DOCK2: variants seen among roughly 807,000 people sequenced by gnomAD.
DOCK2 encodes dedicator of cytokinesis 2, also known as dedicator of cytokinesis protein 2.
DOCK2 carries 87 observed loss-of-function variants against 248.9 expected under a neutral mutation model. That is an observed-to-expected ratio of 0.35 (90% CI 0.29 to 0.42). The LOEUF (loss-of-function observed/expected upper bound fraction) is 0.42, where lower values mean the gene tolerates loss of function less well. Ranked by LOEUF, DOCK2 falls within the 10% of genes least tolerant of loss-of-function variation. The pLI is 1.00. For synonymous variants in DOCK2, 805 were observed against 821.6 expected (o/e 0.98, Z 0.35); for missense variants, 1,747 against 2,300.2 (o/e 0.76, Z 4.92).
At chr5:169,979,908 C>G (rs1290213416) in intron 27 of DOCK2, among the ~76,000 whole-genome samples, 1 of 152,144 alleles carries the variant, frequency 6.6e-6, no homozygotes, top group Non-Finnish European at 1.5e-5. Flanking sequence ...GAATCCCCCT[C>G]CCTTTTTATC....
chr5:170,063,419 C>T (rs11134606), intron 44 of DOCK2, among the ~76,000 whole-genome samples: 37,076 of 152,034 alleles, frequency 0.24, 5,118 homozygotes, highest in African/African-American at 0.36. Flanking sequence ...GGGGTTACAT[C>T]CCCTTGGAGC....
chr5:169,945,436 G>T (rs1211281117), intron 27 of DOCK2, among the ~76,000 whole-genome samples: 2 of 152,244 alleles, frequency 1.3e-5, no homozygotes, highest in South Asian at 2.1e-4. Flanking sequence ...CAACAGAAAT[G>T]CTAACAAGTG....
intron 22 of DOCK2, among the ~76,000 whole-genome samples, chr5:169,747,179 G>T (rs1763659624): frequency 6.6e-6 from 1 of 152,184 alleles, no homozygotes; most frequent in African/African-American, 2.4e-5. Context: ...GAAGGTGTAT[G>T]CCCTGTTAGT....
At chr5:169,820,817 CT>C (rs1368326037) in intron 26 of DOCK2, among the ~76,000 whole-genome samples, 1 of 152,180 alleles carries the variant, frequency 6.6e-6, no homozygotes, top group East Asian at 1.9e-4. Context: ...GATCAAACTA[CT>C]CTGAGCTAAA....
intron 23 of DOCK2, among the ~76,000 whole-genome samples, chr5:169,750,855 T>C (rs2113701303): frequency 6.6e-6 from 1 of 152,360 alleles, no homozygotes; most frequent in Admixed American, 6.5e-5. Context: ...GAGAACTTAA[T>C]GATGAGGGCA....
chr5:169,842,502 C>T (rs746867517), intron 27 of DOCK2, among the ~76,000 whole-genome samples: 14 of 152,122 alleles, frequency 9.2e-5, no homozygotes, highest in African/African-American at 2.7e-4. Flanking sequence ...GGACTACCAG[C>T]GTGTGCCACC....
In DOCK2 at chr5:170,037,479, AATTTTT is replaced by A. The variant is rs1756359977; in HGVS notation, c.3665+925_3665+930del. 5.0e-5 allele frequency among the ~76,000 whole-genome samples: 7 copies of A among 139,276 alleles called. No homozygotes were observed. The South Asian group carries it at 1.4e-3, about 29-fold the overall frequency. The allele number at this position is 139,276 out of a possible 152,430, so 91.4% of individuals were successfully genotyped here. A position where few individuals can be genotyped will look rare whatever the true frequency, so the allele number is the denominator to read the frequency against. On this transcript the variant is annotated intron_variant, in intron 36 of 51. Transcript: ENST00000520908. ...TTCTACAATAAAAAGCACAAAAACA[AATTTTT>A]TTTTTTTTTTTTTTTTTAAAGACAG...
chr5:170,029,412 A>G (rs962811158), intron 34 of DOCK2, among the ~76,000 whole-genome samples: 1 of 152,264 alleles, frequency 6.6e-6, no homozygotes, highest in East Asian at 1.9e-4. Flanking sequence ...GGAGAAAGAC[A>G]TTGGGTTTTG....
intron 27 of DOCK2, among the ~76,000 whole-genome samples, chr5:169,843,522 AAAATAAAC>A (rs1274777821): frequency 6.6e-6 from 1 of 152,244 alleles, no homozygotes; most frequent in Non-Finnish European, 1.5e-5. Flanking sequence ...ACTCCGTCTC[AAAATAAAC>A]AAATAAACAA....
chr5:169,865,928 CTGCAAAGGCATGTTGCCGTTGCCA>C (rs1255162560), intron 27 of DOCK2, among the ~76,000 whole-genome samples: 1 of 152,260 alleles, frequency 6.6e-6, no homozygotes, highest in Non-Finnish European at 1.5e-5. Flanking sequence ...GTTCATGCTG[CTGCAAAGGCATGTTGCCGTTGCCA>C]TGCATGACGA....
At chr5:169,794,888 A>G (rs1248297315) in intron 25 of DOCK2, among the ~76,000 whole-genome samples, 3 of 152,202 alleles carry the variant, frequency 2.0e-5, no homozygotes, top group Non-Finnish European at 4.4e-5. Flanking sequence ...GCGCCACTGC[A>G]CTCCAGCCTG....
At chr5:169,883,501 T>C (rs1188176715) in intron 27 of DOCK2, 1 of 1,551,672 alleles carries the variant, frequency 6.4e-7, no homozygotes, top group Non-Finnish European at 8.7e-7. Flanking sequence ...ACCGTTGACC[T>C]GGATGGCACT....
chr5:169,662,037 A>G (rs1325655599), intron 2 of DOCK2, among the ~76,000 whole-genome samples: 1 of 152,216 alleles, frequency 6.6e-6, no homozygotes, highest in Non-Finnish European at 1.5e-5. Context: ...AGGAACTTCC[A>G]TACCTTTTTC....
chr5:169,730,875 ACTCT>A (rs201226618), intron 22 of DOCK2, among the ~76,000 whole-genome samples: 3 of 131,520 alleles, frequency 2.3e-5, no homozygotes, highest in African/African-American at 3.7e-5. Flanking sequence ...TATAGCTACC[ACTCT>A]CTCTCTCTCT....
chr5:169,748,335 T>C (rs75888964), intron 23 of DOCK2, among the ~76,000 whole-genome samples: 5,239 of 152,284 alleles, frequency 0.034, 112 homozygotes, highest in African/African-American at 0.057. Flanking sequence ...CTTCTCATGC[T>C]ATGGGTCCAG....
intron 27 of DOCK2, among the ~76,000 whole-genome samples, chr5:169,957,573 T>C (rs1260700860): frequency 2.0e-5 from 3 of 152,204 alleles, no homozygotes; most frequent in Non-Finnish European, 4.4e-5. Flanking sequence ...CTCCTTGGTC[T>C]GCCTCTTTCT....
intron 27 of DOCK2, among the ~76,000 whole-genome samples, chr5:169,851,077 C>A (rs1392317188): frequency 6.6e-6 from 1 of 152,208 alleles, no homozygotes; most frequent in Non-Finnish European, 1.5e-5. Context: ...GGGACCACTT[C>A]CTTTTATCTT....
At chr5:170,079,372 T>C (rs896303576) in intron 49 of DOCK2, 4 of 520,018 alleles carry the variant, frequency 7.7e-6, no homozygotes, top group Admixed American at 3.2e-5. Flanking sequence ...AGCCCTGACC[T>C]TTGCACTTCA....
At chr5:169,906,814 G>C (rs1774306462) in intron 27 of DOCK2, among the ~76,000 whole-genome samples, 1 of 152,238 alleles carries the variant, frequency 6.6e-6, no homozygotes, top group Admixed American at 6.5e-5. Context: ...GCTCTGGAAA[G>C]TCTATAGGGA....
Sources: gnomAD v4.1 joint callset for allele counts (sites outside exome capture counted in the v4.1 genomes callset) on GRCh38, gnomAD v4.1.1 for gene constraint, MANE v1.5 for transcripts, NCBI Gene and HGNC (gene_info 2026-07-23, HGNC 2026-07-21) for gene names.